SNX9: variants seen among roughly 807,000 people sequenced by gnomAD.
SNX9 encodes the protein sorting nexin 9.
Under a neutral mutation model 89.4 loss-of-function variants are expected in SNX9, and 44 were observed. That is an observed-to-expected ratio of 0.49 (90% confidence interval 0.39 to 0.63). The LOEUF (loss-of-function observed/expected upper bound fraction) is 0.63. Among genes scored for constraint, SNX9 ranks in the 30% least tolerant of loss-of-function variants. The pLI, the probability that SNX9 is intolerant of heterozygous loss-of-function variation, is 0.00. For synonymous variants in SNX9, 236 were observed against 247.8 expected (o/e 0.95, Z 0.45); for missense variants, 578 against 736.1 (o/e 0.79, Z 2.49).
chr6:157,855,972 C>T (rs890137333), intron 1 of SNX9, among the ~76,000 whole-genome samples: 1 of 152,214 alleles, frequency 6.6e-6, no homozygotes, highest in African/African-American at 2.4e-5. Flanking sequence ...TGCTCTTGAA[C>T]GCCTGACCTC....
intron 9 of SNX9, among the ~76,000 whole-genome samples, chr6:157,916,825 A>T (rs1783482064): frequency 6.6e-6 from 1 of 152,156 alleles, no homozygotes; most frequent in Non-Finnish European, 1.5e-5. Flanking sequence ...AAATTTGCTA[A>T]TAATATCTGG....
chr6:157,845,100 T>G (rs924753402), intron 1 of SNX9, among the ~76,000 whole-genome samples: 1 of 147,732 alleles, frequency 6.8e-6, no homozygotes, highest in African/African-American at 2.6e-5. Flanking sequence ...CCCTTTCCCA[T>G]TTGTCTTTTT....
At chr6:157,834,417 A>T (rs1781545026) in intron 1 of SNX9, among the ~76,000 whole-genome samples, 1 of 149,318 alleles carries the variant, frequency 6.7e-6, no homozygotes, top group African/African-American at 2.5e-5. Context: ...CATGATAATA[A>T]CTCACTGCAG....
chr6:157,894,461 ATGT>A (rs1782935478), intron 4 of SNX9, among the ~76,000 whole-genome samples: 1 of 131,146 alleles, frequency 7.6e-6, no homozygotes, highest in African/African-American at 3.0e-5. Flanking sequence ...CAAGATTTAA[ATGT>A]TAAAAAAAAA....
chr6:157,940,778 C>A, intron 16 of SNX9, 105 bp from the exon 17 acceptor site: 1 of 988,480 alleles, frequency 1.0e-6, no homozygotes, highest in Non-Finnish European at 1.6e-6. Context: ...AGCAGCCAAC[C>A]AGATTAGGTC....
intron 6 of SNX9, among the ~76,000 whole-genome samples, chr6:157,905,893 G>A (rs1001551171): frequency 4.6e-5 from 7 of 152,148 alleles, no homozygotes; most frequent in Admixed American, 2.6e-4. Flanking sequence ...TAGAGTGCCC[G>A]TAAACATCAC....
At chr6:157,938,780 G>A (rs1783977083) in intron 16 of SNX9, 33 bp downstream of exon 16, 1 of 1,501,764 alleles carries the variant, frequency 6.7e-7, no homozygotes, top group African/African-American at 1.5e-5. Flanking sequence ...AGGTGCTGGT[G>A]GAAGTTTTTT....
At position 157,940,910 on chromosome 6, in the gene SNX9, G is replaced by A. The variant is rs1439997039; in HGVS notation, c.1676G>A (p.Arg559Gln). The A allele has an allele frequency of 5.0e-6, 8 of 1,614,016 alleles. No homozygotes were observed. Among genetic ancestry groups the A allele is most frequent in the Non-Finnish European group, 5.9e-6 (7 of 1,180,004 alleles). Reference sequence around the variant, plus strand: ...GAGATGAATCACTTTCACAGTAACCGGATCTATGATTACAACAGTGTCATC... The same window carrying A: ...GAGATGAATCACTTTCACAGTAACCAGATCTATGATTACAACAGTGTCATC... ...QAEMNHFHSN[R>Q]IYDYNSVIRL... Residue 559 changes from arginine to glutamine, a missense_variant, in exon 17 of 18, where the codon CGG (arginine) becomes CAG (glutamine). Around this residue, in one of 2 missense-constraint regions of SNX9, gnomAD observed 348 missense variants for 491.4 expected, o/e 0.71. Coordinates refer to ENST00000392185, the MANE Select transcript of SNX9 (RefSeq NM_016224.5).
At chr6:157,868,293 G>T (rs1049762817) in intron 2 of SNX9, among the ~76,000 whole-genome samples, 1 of 152,156 alleles carries the variant, frequency 6.6e-6, no homozygotes, top group Non-Finnish European at 1.5e-5. Context: ...TTGAAATTGT[G>T]TACATATACA....
At chr6:157,897,108 T>C in intron 5 of SNX9, 110 bp downstream of exon 5, 1 of 1,077,596 alleles carries the variant, frequency 9.3e-7, no homozygotes, top group Non-Finnish European at 1.3e-6. Flanking sequence ...CACAGAACAG[T>C]TTTGTGACCA....
In SNX9 at chr6:157,852,371, C is replaced by T. The variant is rs539303263; in HGVS notation, c.13-15176C>T. ...TTACTGGACATCAAAAGCTGCTTTGCATTAGGCCATGGTTCTCAGAATTCA... is the reference window on the plus strand; with the variant it reads ...TTACTGGACATCAAAAGCTGCTTTGTATTAGGCCATGGTTCTCAGAATTCA... On this transcript the variant is annotated intron_variant, in intron 1 of 17. Coordinates refer to ENST00000392185, the MANE Select transcript of SNX9 (RefSeq NM_016224.5). Among the ~76,000 whole-genome samples, 21 of 152,258 alleles carry T rather than the reference C, an allele frequency of 1.4e-4. No homozygotes were observed. The South Asian group carries it at 1.7e-3, about 12-fold the overall frequency.
intron 4 of SNX9, among the ~76,000 whole-genome samples, chr6:157,876,924 A>C (rs1365516434): frequency 6.6e-6 from 1 of 152,274 alleles, no homozygotes; most frequent in Non-Finnish European, 1.5e-5. Flanking sequence ...CCTAGGAGCA[A>C]AGCCAAGCCA....
At chr6:157,901,018 TTTACAAGGGTCA>T (rs113730476) in intron 5 of SNX9, among the ~76,000 whole-genome samples, 182 of 152,312 alleles carry the variant, frequency 1.2e-3, no homozygotes, top group African/African-American at 3.3e-3. Flanking sequence ...TTATAGGCTC[TTTACAAGGGTCA>T]CTTTCCATTC....
At chr6:157,899,589 G>A (rs546208401) in intron 5 of SNX9, among the ~76,000 whole-genome samples, 18 of 152,136 alleles carry the variant, frequency 1.2e-4, no homozygotes, top group Middle Eastern at 6.8e-3. Flanking sequence ...TGGCTAACAC[G>A]GTGAAACCCC....
At position 157,913,734 on chromosome 6, in the gene SNX9, A is replaced by G. The variant is rs1175727075; in HGVS notation, c.949+3709A>G. Reference sequence around the variant, plus strand: ...ATTCTGCGTTTTCTAGGATGTCATTATAAATGGAAGCATGCAGTGTATAGT... The same window carrying G: ...ATTCTGCGTTTTCTAGGATGTCATTGTAAATGGAAGCATGCAGTGTATAGT... On this transcript the variant is annotated intron_variant, in intron 9 of 17. Coordinates refer to ENST00000392185, the MANE Select transcript of SNX9 (RefSeq NM_016224.5). 2.0e-5 allele frequency among the ~76,000 whole-genome samples: 3 copies of G among 152,234 alleles called. No individual in the cohort carries two copies. In the East Asian group the frequency reaches 5.8e-4, roughly 29 times the overall value.
intron 1 of SNX9, among the ~76,000 whole-genome samples, chr6:157,859,215 A>T (rs1414822402): frequency 6.6e-6 from 1 of 152,174 alleles, no homozygotes; most frequent in East Asian, 1.9e-4. Context: ...CGTCACTTCC[A>T]CTTGTGTTAT....
At chr6:157,927,565 A>T (rs1250714326) in intron 11 of SNX9, among the ~76,000 whole-genome samples, 2 of 152,174 alleles carry the variant, frequency 1.3e-5, no homozygotes, top group African/African-American at 4.8e-5. Context: ...GCCTTGAGGA[A>T]GCAGTCTCTA....
At chr6:157,923,438 AT>A (rs66795570) in intron 10 of SNX9, among the ~76,000 whole-genome samples, 2 of 152,236 alleles carry the variant, frequency 1.3e-5, no homozygotes, top group African/African-American at 2.4e-5. Context: ...TAAAAAAAAA[AT>A]AACCTGTCAT....
intron 17 of SNX9, among the ~76,000 whole-genome samples, chr6:157,942,342 C>T (rs966702552): frequency 2.0e-5 from 3 of 152,184 alleles, no homozygotes; most frequent in Admixed American, 2.0e-4. Context: ...TGCAGCGCCT[C>T]GTTAGCTTCA....
Sources: gnomAD v4.1 joint callset for allele counts (sites outside exome capture counted in the v4.1 genomes callset) on GRCh38, gnomAD v4.1.1 for gene constraint, gnomAD v4.1.1 regional missense constraint, MANE v1.5 for transcripts, NCBI Gene and HGNC (gene_info 2026-07-23, HGNC 2026-07-21) for gene names.